Variants in PHLPP1 observed in about 807,000 individuals in gnomAD.
PHLPP1 encodes PH domain and leucine rich repeat protein phosphatase 1.
A neutral mutation model predicts 117.2 loss-of-function variants in PHLPP1; 42 were observed. The ratio of observed to expected loss-of-function variants is 0.36; its 90% CI spans 0.28 to 0.46. PHLPP1 has a LOEUF of 0.46. Among genes scored for constraint, PHLPP1 ranks in the 20% least tolerant of loss-of-function variants. The probability of loss-of-function intolerance (pLI) is 1.00; values close to 1 mark genes in which losing one functional copy is unlikely to be tolerated. For synonymous variants in PHLPP1, 1,042 were observed against 970.7 expected, an observed-to-expected ratio of 1.07 and a Z score of -1.37; for missense variants, 2,084 against 2,241.9, an observed-to-expected ratio of 0.93 and a Z score of 1.42.
At chr18:62,977,586 A>T (rs897157331) in intron 16 of PHLPP1, among the ~76,000 whole-genome samples, 1 of 152,204 alleles carries the variant, frequency 6.6e-6, no homozygotes, top group Admixed American at 6.5e-5. Context: ...AGGAAGTTGT[A>T]AGAATTGGCA....
intron 1 of PHLPP1, among the ~76,000 whole-genome samples, chr18:62,806,219 G>A (rs1045624185): frequency 6.6e-6 from 1 of 152,110 alleles, no homozygotes; most frequent in Non-Finnish European, 1.5e-5. Context: ...GGGAGAATTG[G>A]TAATAAGATT....
At chr18:62,835,350 C>T (rs35695011) in intron 2 of PHLPP1, among the ~76,000 whole-genome samples, 30,397 of 151,452 alleles carry the variant, frequency 0.2, 4,300 homozygotes, top group African/African-American at 0.41. Context: ...ACTACAGGCG[C>T]ATGCCACCAC....
Position 62,979,860 on chromosome 18 carries a change from T to C in PHLPP1, c.*429T>C, listed in dbSNP as rs1002962366. The C allele has an allele frequency of 1.3e-5, 2 of 159,128 alleles. No individual in the cohort carries two copies. Among genetic ancestry groups the C allele is most frequent in the Non-Finnish European group, 2.8e-5 (2 of 72,698 alleles). The allele number at this position is 159,128 out of a possible 1,614,324, so 9.9% of individuals were successfully genotyped here. ...GGGGGAAAAGGCTTTTGTTTTGTTT[T>C]GTTTTGTTTTGTTTTGTTTTTGTCT... On this transcript the variant is annotated 3_prime_UTR_variant, in exon 17 of 17. Coordinates refer to ENST00000262719, the MANE Select transcript of PHLPP1 (RefSeq NM_194449.4).
chr18:62,767,257 C>T (rs887155021), intron 1 of PHLPP1, among the ~76,000 whole-genome samples: 2 of 152,122 alleles, frequency 1.3e-5, no homozygotes, highest in East Asian at 3.9e-4. Context: ...CAAAGGAGAC[C>T]ACTAAAACCG....
chr18:62,732,878 A>G (rs548541197), intron 1 of PHLPP1, among the ~76,000 whole-genome samples: 4 of 152,296 alleles, frequency 2.6e-5, no homozygotes, highest in African/African-American at 9.6e-5. Context: ...AAAGAACTAC[A>G]ATTAGAAGTG....
rs1420244093 is a variant in PHLPP1, at chr18:62,717,005, C to T, written c.1322C>T (p.Ala441Val). 2 of 1,543,530 alleles carry T rather than the reference C, an allele frequency of 1.3e-6. No homozygotes were observed. Among genetic ancestry groups the T allele is most frequent in the African/African-American group, 2.7e-5 (2 of 72,906 alleles). Reference protein sequence around the residue: ...REGSCEEKAAAAVAPGGLQST... With the variant: ...REGSCEEKAAVAVAPGGLQST... Reference sequence around the variant, plus strand: ...GGGTCGTGCGAGGAGAAGGCAGCGGCAGCCGTGGCCCCGGGAGGCCTCCAG... The same window carrying T: ...GGGTCGTGCGAGGAGAAGGCAGCGGTAGCCGTGGCCCCGGGAGGCCTCCAG... Residue 441 changes from alanine to valine, a missense_variant, in exon 1 of 17, where the codon GCA becomes GTA. By Grantham distance (64) the Ala-to-Val change is moderately conservative (BLOSUM62 0). This residue lies in a region of PHLPP1 where 719 missense variants were observed against 636.0 expected (regional missense o/e 1.13). Coordinates refer to ENST00000262719, the MANE Select transcript of PHLPP1 (RefSeq NM_194449.4).
chr18:62,718,725 T>G (rs1232352739), intron 1 of PHLPP1, among the ~76,000 whole-genome samples: 1 of 152,194 alleles, frequency 6.6e-6, no homozygotes, highest in Non-Finnish European at 1.5e-5. Context: ...TGTAAAATAT[T>G]GTTATTTTAC....
chr18:62,753,649 G>A (rs2144238801), intron 1 of PHLPP1, among the ~76,000 whole-genome samples: 1 of 152,258 alleles, frequency 6.6e-6, no homozygotes, highest in South Asian at 2.1e-4. Context: ...ATTGAGACAG[G>A]AGCATGCCCT....
chr18:62,961,615 G>A (rs1568175483), intron 13 of PHLPP1, among the ~76,000 whole-genome samples: 1 of 152,126 alleles, frequency 6.6e-6, no homozygotes, highest in Non-Finnish European at 1.5e-5. Context: ...CTATTGTATT[G>A]CTGACTGTTT....
chr18:62,945,583 T>C (rs892017355), intron 12 of PHLPP1, among the ~76,000 whole-genome samples: 2 of 152,212 alleles, frequency 1.3e-5, no homozygotes, highest in African/African-American at 4.8e-5. Flanking sequence ...GTTCCACTTA[T>C]TTCCAGGGTG....
rs189040225 is a variant in PHLPP1 at position 62,867,014 on chromosome 18, T to C, written c.2066+6413T>C. 1.8e-3 allele frequency among the ~76,000 whole-genome samples: 281 copies of C among 152,344 alleles called. 1 individual carries two copies. The highest frequency in any genetic ancestry group is 6.4e-3 in the African/African-American group (266 of 41,580). On this transcript the variant is annotated intron_variant, in intron 4 of 16. Transcript: ENST00000262719. The stretch of plus-strand genomic sequence containing the variant: ...CCTATTTTTGTTGCCCACTGTTTTT[T>C]ACATTTCTTGGTTTTGTTTTATTTT...
At chr18:62,743,516 T>G (rs1036623527) in intron 1 of PHLPP1, among the ~76,000 whole-genome samples, 21 of 152,288 alleles carry the variant, frequency 1.4e-4, no homozygotes, top group African/African-American at 4.8e-4. Context: ...TAAACTTAAG[T>G]ATCGCCATAC....
chr18:62,947,268 C>T (rs1372791898), intron 12 of PHLPP1, among the ~76,000 whole-genome samples: 1 of 152,110 alleles, frequency 6.6e-6, no homozygotes, highest in Non-Finnish European at 1.5e-5. Context: ...TGAAATAATA[C>T]ATGTAAAGCA....
chr18:62,761,301 T>C (rs1912220910), intron 1 of PHLPP1, among the ~76,000 whole-genome samples: 1 of 152,116 alleles, frequency 6.6e-6, no homozygotes, highest in African/African-American at 2.4e-5. Flanking sequence ...ATGGTACTGT[T>C]CTCTAAGCAA....
chr18:62,800,121 G>A (rs1913736538), intron 1 of PHLPP1, among the ~76,000 whole-genome samples: 1 of 152,128 alleles, frequency 6.6e-6, no homozygotes. Flanking sequence ...ACGGCCAGCT[G>A]GAGGCCACCT....
chr18:62,978,462 C>T lies in PHLPP1; in HGVS notation c.4185C>T (p.Ala1395=), dbSNP rs1339263380. 1.2e-6 allele frequency: 2 copies of T among 1,610,080 alleles called. No individual in the cohort carries two copies. Among genetic ancestry groups the T allele is most frequent in the Non-Finnish European group, 1.7e-6 (2 of 1,178,212 alleles). ...AVEAVRNVPD[A]LAAAKKLCTL... ...AAGCCGTGCGCAACGTGCCCGATGC[C>T]CTGGCTGCTGCCAAGAAGCTGTGTA... Residue 1395 remains alanine, a synonymous_variant, in exon 17 of 17, where the codon GCC becomes GCT. Coordinates refer to ENST00000262719, the MANE Select transcript of PHLPP1 (RefSeq NM_194449.4). This position sits in a 1 kb window ranked among gnomAD's most constrained non-coding sequence, Gnocchi z 7.0.
chr18:62,852,173 C>T (rs1915371590), intron 3 of PHLPP1, among the ~76,000 whole-genome samples: 1 of 152,068 alleles, frequency 6.6e-6, no homozygotes, highest in African/African-American at 2.4e-5. Flanking sequence ...AGTCACTGTG[C>T]CTGGCCCTTA....
At chr18:62,792,944 G>A (rs934047418) in intron 1 of PHLPP1, among the ~76,000 whole-genome samples, 1 of 151,900 alleles carries the variant, frequency 6.6e-6, no homozygotes, top group African/African-American at 2.4e-5. Context: ...GGAGGCTGAG[G>A]TGGGTGGATC....
At chr18:62,739,320 A>C (rs188230830) in intron 1 of PHLPP1, among the ~76,000 whole-genome samples, 1 of 152,354 alleles carries the variant, frequency 6.6e-6, no homozygotes, top group East Asian at 1.9e-4. Context: ...GATTATGTTT[A>C]TATGAAGGTC....
Sources: allele counts gnomAD v4.1 joint callset (sites outside exome capture counted in the v4.1 genomes callset), GRCh38; gene constraint gnomAD v4.1.1; regional missense constraint gnomAD v4.1.1; non-coding constraint Gnocchi (gnomAD v3.1); transcripts MANE v1.5; gene names NCBI Gene and HGNC (gene_info 2026-07-23, HGNC 2026-07-21).